Variants in RPL28 observed in about 807,000 individuals in gnomAD.
RPL28 encodes ribosomal protein L28, also known as large ribosomal subunit protein eL28.
RPL28 carries 4 observed loss-of-function variants against 12.5 expected under a neutral mutation model. The ratio of observed to expected loss-of-function variants is 0.32; its 90% CI spans 0.16 to 0.73. RPL28 has a LOEUF of 0.73. Among genes scored for constraint, RPL28 ranks in the 30% least tolerant of loss-of-function variants. RPL28 has a pLI of 0.66. For synonymous variants in RPL28, 91 were observed against 72.5 expected (o/e 1.26, Z -1.30); for missense variants, 214 against 197.7 (o/e 1.08, Z -0.49).
At chr19:55,401,501 C>T (rs749798764) in intron 4 of RPL28, 44 of 1,609,804 alleles carry the variant, frequency 2.7e-5, no homozygotes, top group East Asian at 4.5e-5. Flanking sequence ...TTATCGCGCT[C>T]GCCAGCATGC....
In RPL28 at chr19:55,390,370, C is replaced by T. The variant is rs1600306514; in HGVS notation, c.*2038C>T. ...CAGGTGGGTGTCACCACACCCAGCT[C>T]AGTATTGTATTTTTAGCAGAGATGG... On this transcript the variant is annotated 3_prime_UTR_variant, in exon 5 of 5. Coordinates refer to ENST00000344063, the MANE Select transcript of RPL28 (RefSeq NM_000991.5). 2 of 771,712 alleles carry T rather than the reference C, an allele frequency of 2.6e-6. No homozygotes were observed. The highest frequency in any genetic ancestry group is 1.3e-4 in the East Asian group (1 of 7,844). 47.8% of individuals were successfully genotyped at this position (771,712 alleles called of 1,614,324 possible).
At chr19:55,386,124 ACT>A (rs1331952306) in intron 1 of RPL28, 159 bp downstream of exon 1, 13 of 553,332 alleles carry the variant, frequency 2.3e-5, no homozygotes, top group South Asian at 1.9e-4. Context: ...TTTTCCCCTC[ACT>A]CTCATTCGCC....
chr19:55,399,420 G>A (rs2123302889), intron 4 of RPL28, among the ~76,000 whole-genome samples: 1 of 152,318 alleles, frequency 6.6e-6, no homozygotes, highest in Non-Finnish European at 1.5e-5. Flanking sequence ...GCCCGCCTTG[G>A]CCTCCCAAAG....
At chr19:55,401,400 A>T (rs2090056564) in intron 4 of RPL28, 2 of 1,419,900 alleles carry the variant, frequency 1.4e-6, no homozygotes, top group Admixed American at 1.9e-5. Context: ...GGGACAGGAG[A>T]GGTTGGGGTC....
intron 4 of RPL28, among the ~76,000 whole-genome samples, chr19:55,399,438 A>G (rs970880912): frequency 1.2e-4 from 18 of 152,224 alleles, no homozygotes; most frequent in Admixed American, 8.5e-4. Flanking sequence ...AAGTGCTAGG[A>G]TTACAGGCGT....
chr19:55,402,859 T>C (rs1203239870), intron 4 of RPL28: 123 of 1,171,140 alleles, frequency 1.1e-4, no homozygotes, highest in Non-Finnish European at 1.4e-4. Flanking sequence ...TCCCTCCCCA[T>C]GGCAGGAAAC....
In RPL28 at chr19:55,387,949, C is replaced by T. The variant is rs1292387927; in HGVS notation, c.225C>T (p.Thr75=). The T allele has an allele frequency of 2.5e-6, 4 of 1,582,888 alleles. No individual in the cohort carries two copies. The South Asian group carries it at 4.6e-5, about 18-fold the overall frequency. The change falls in exon 4 of 5, where the codon ACC becomes ACT. Residue 75 remains threonine (T), a synonymous_variant. Transcript: ENST00000344063. ...KRRSGQRKPA[T]SYVRTTINKN... is the part of the protein sequence containing the mutation. ...AACCAGGCCAGCGGAAGCCTGCCAC[C>T]TCCTATGTGCGGACCACCATCAACA...
chr19:55,388,619 G>A lies in RPL28; in HGVS notation c.*287G>A, dbSNP rs539000212. 2.5e-6 allele frequency: 3 copies of A among 1,211,206 alleles called. No homozygotes were observed. In the African/African-American group the frequency reaches 4.7e-5, roughly 19 times the overall value. The allele number at this position is 1,211,206 out of a possible 1,614,324, so 75.0% of individuals were successfully genotyped here. On this transcript the variant is annotated 3_prime_UTR_variant, in exon 5 of 5. Coordinates refer to ENST00000344063, the MANE Select transcript of RPL28 (RefSeq NM_000991.5). ...CTACTGTCCCATTGTGAGGTGGCCT[G>A]AAGAATCCCAGCTGGGGCAGTGGCT...
chr19:55,402,970 G>C (rs1569048717), exon 5 of RPL28: 1 of 1,534,740 alleles, frequency 6.5e-7, no homozygotes, highest in East Asian at 2.4e-5. Context: ...GAGGCAGCAG[G>C]CTGTAAGCAG....
At chr19:55,400,167 G>A (rs1178288523) in intron 4 of RPL28, 7 of 152,276 alleles carry the variant, frequency 4.6e-5, no homozygotes, top group African/African-American at 1.4e-4. Context: ...CTATGGGTCA[G>A]AACTTGTAGA....
chr19:55,399,504 A>G (rs1425123347), intron 4 of RPL28, among the ~76,000 whole-genome samples: 6 of 152,178 alleles, frequency 3.9e-5, no homozygotes, highest in Non-Finnish European at 7.3e-5. Context: ...TTACATGGGC[A>G]TATTAGACAA....
At position 55,389,397 on chromosome 19, in the gene RPL28, CAT is replaced by C. The variant is rs765029067; in HGVS notation, c.*1066_*1067del. The C allele has an allele frequency of 1.1e-4, 108 of 985,362 alleles. No homozygotes were observed. Among genetic ancestry groups the C allele is most frequent in the African/African-American group, 1.4e-4 (8 of 57,310 alleles). The allele number at this position is 985,362 out of a possible 1,614,324, so 61.0% of individuals were successfully genotyped here. A position where few individuals can be genotyped will look rare whatever the true frequency, so the allele number is the denominator to read the frequency against. On this transcript the variant is annotated 3_prime_UTR_variant, in exon 5 of 5. Transcript: ENST00000344063. ...GAAAGAGTCCTGCTGTTGATCCTCA[CAT>C]GTTTCCTGGGCACCTAACTCTGTCA... is the stretch of plus-strand genomic sequence containing the variant.
downstream of RPL28, among the ~76,000 whole-genome samples, chr19:55,394,072 C>G (rs558425435): frequency 5.9e-5 from 9 of 152,094 alleles, no homozygotes; most frequent in Non-Finnish European, 1.3e-4. Flanking sequence ...ACCATCCAGG[C>G]TAACACAGTG....
chr19:55,389,725 T>A lies in RPL28; in HGVS notation c.*1393T>A, dbSNP rs2089972065. On this transcript the variant is annotated 3_prime_UTR_variant, in exon 5 of 5. Transcript: ENST00000344063. Reference sequence around the variant, plus strand: ...GCCCCTGTCTGCTGTGAATTACCATTTCCTTTGTCCTTCCCTTAGTTGGGT... The same window carrying A: ...GCCCCTGTCTGCTGTGAATTACCATATCCTTTGTCCTTCCCTTAGTTGGGT... 1 of 985,510 alleles carries A rather than the reference T, an allele frequency of 1.0e-6. No homozygotes were observed. The highest frequency in any genetic ancestry group is 1.2e-6 in the Non-Finnish European group (1 of 830,088). The allele number at this position is 985,510 out of a possible 1,614,324, so 61.0% of individuals were successfully genotyped here.
rs1326997846 is a variant in RPL28 at position 55,389,152 on chromosome 19, T to A, written c.*820T>A. 1 of 984,236 alleles carries A rather than the reference T, an allele frequency of 1.0e-6. No homozygotes were observed. Among genetic ancestry groups the A allele is most frequent in the African/African-American group, 1.7e-5 (1 of 57,160 alleles). 61.0% of individuals were successfully genotyped at this position (984,236 alleles called of 1,614,324 possible). A position where few individuals can be genotyped will look rare whatever the true frequency, so the allele number is the denominator to read the frequency against. ...TATTACAGCTTGTGAGGCCAGGAGT[T>A]TGAGACCATCCTAGGCAACATAATG... is the stretch of plus-strand genomic sequence containing the variant. On this transcript the variant is annotated 3_prime_UTR_variant, in exon 5 of 5. Transcript: ENST00000344063.
downstream of RPL28, among the ~76,000 whole-genome samples, chr19:55,393,956 C>CT (rs1197454027): frequency 2.6e-4 from 38 of 148,700 alleles, no homozygotes; most frequent in African/African-American, 7.8e-4. Flanking sequence ...AGCTACAAGT[C>CT]TTTTTTTTAA....
Position 55,389,278 on chromosome 19 carries a change from T to G in RPL28, c.*946T>G, listed in dbSNP as rs1396589649. The stretch of plus-strand genomic sequence containing the variant: ...TAGAGGCTGAGGTGAGCGGAGCACT[T>G]GAGCCAAGAGTATGAGGCTGCAGTG... On this transcript the variant is annotated 3_prime_UTR_variant, in exon 5 of 5. Transcript: ENST00000344063. 1 of 940,590 alleles carries G rather than the reference T, an allele frequency of 1.1e-6. No homozygotes were observed. The highest frequency in any genetic ancestry group is 1.3e-6 in the Non-Finnish European group (1 of 789,178). 58.3% of individuals were successfully genotyped at this position (940,590 alleles called of 1,614,324 possible). A position where few individuals can be genotyped will look rare whatever the true frequency, so the allele number is the denominator to read the frequency against.
At chr19:55,395,671 C>T (rs2090017790), downstream of RPL28, among the ~76,000 whole-genome samples, 1 of 149,246 alleles carries the variant, frequency 6.7e-6, no homozygotes, top group African/African-American at 2.5e-5. Flanking sequence ...TCTCAATCTC[C>T]TGACCTTGTG....
At chr19:55,396,730 A>G (rs111788392), downstream of RPL28, among the ~76,000 whole-genome samples, 10,161 of 145,938 alleles carry the variant, frequency 0.07, 404 homozygotes, top group African/African-American at 0.1. Context: ...ACAGGTGCCC[A>G]CCACCACGCC....
Sources: allele counts gnomAD v4.1 joint callset (sites outside exome capture counted in the v4.1 genomes callset), GRCh38; gene constraint gnomAD v4.1.1; transcripts MANE v1.5; gene names NCBI Gene and HGNC (gene_info 2026-07-23, HGNC 2026-07-21).